RGSL1: variants seen among roughly 807,000 people sequenced by gnomAD.
The protein encoded by RGSL1 is regulator of G protein signaling like 1.
A neutral mutation model predicts 124.7 loss-of-function variants in RGSL1; 97 were observed. The observed-to-expected ratio is 0.78, with a 90% CI of 0.66 to 0.92. RGSL1 has a LOEUF of 0.92. Ranked by LOEUF, RGSL1 falls within the 40% of genes least tolerant of loss-of-function variation. The probability of loss-of-function intolerance (pLI) is 0.00; values close to 1 mark genes in which losing one functional copy is unlikely to be tolerated. For missense variants in RGSL1, 1,233 were observed against 1,288.4 expected (o/e 0.96, Z 0.66); for synonymous variants, 424 against 438.1 (o/e 0.97, Z 0.40).
intron 1 of RGSL1, among the ~76,000 whole-genome samples, chr1:182,452,292 G>A (rs536420736): frequency 2.6e-5 from 4 of 152,240 alleles, no homozygotes; most frequent in African/African-American, 9.6e-5. Flanking sequence ...ATATGGAATA[G>A]ATTAAATAAA....
intron 14 of RGSL1, among the ~76,000 whole-genome samples, chr1:182,538,054 C>G (rs1176734784): frequency 6.6e-6 from 1 of 152,154 alleles, no homozygotes; most frequent in African/African-American, 2.4e-5. Context: ...TAAAGTGGGG[C>G]AAGAGTAGGG....
chr1:182,542,658 G>A (rs899066089), intron 15 of RGSL1, among the ~76,000 whole-genome samples: 3 of 152,052 alleles, frequency 2.0e-5, no homozygotes, highest in Non-Finnish European at 4.4e-5. Flanking sequence ...TTTGGTTAGT[G>A]TAGACATTTT....
At chr1:182,471,412 G>A (rs1653829119) in intron 4 of RGSL1, 2 of 456,634 alleles carry the variant, frequency 4.4e-6, no homozygotes, top group Non-Finnish European at 8.8e-6. Context: ...TGTTCCTGGG[G>A]CTTTTGCAAG....
intron 9 of RGSL1, among the ~76,000 whole-genome samples, chr1:182,509,535 G>T (rs867538941): frequency 1.1e-4 from 12 of 107,038 alleles, no homozygotes; most frequent in East Asian, 2.5e-4. Flanking sequence ...TGGCCGGGTG[G>T]GGGGGCTGAC....
intron 15 of RGSL1, among the ~76,000 whole-genome samples, chr1:182,547,413 T>C (rs1275413523): frequency 6.6e-6 from 1 of 152,100 alleles, no homozygotes; most frequent in African/African-American, 2.4e-5. Flanking sequence ...CAGAGGGAGA[T>C]ACTAGTCAGA....
In RGSL1 at chr1:182,492,671, CTGGA is replaced by C. The variant is rs1272220441; in HGVS notation, c.1718-346_1718-343del. ...ATGGATTCTCCCTCTGTGGCCCAGG[CTGGA>C]TGGAGTGCAGTGGCCCAATCTCGGC... On this transcript the variant is annotated intron_variant, in intron 8 of 21. Coordinates refer to ENST00000294854, the MANE Select transcript of RGSL1 (RefSeq NM_001137669.2). 2.0e-5 allele frequency among the ~76,000 whole-genome samples: 3 copies of C among 149,622 alleles called. No individual in the cohort carries two copies. In the Admixed American group the frequency reaches 2.0e-4, roughly 10 times the overall value.
chr1:182,549,081 T>A, intron 17 of RGSL1: 1 of 368,602 alleles, frequency 2.7e-6, no homozygotes, highest in Non-Finnish European at 4.9e-6. Flanking sequence ...TATGCTTGCT[T>A]GGAGCAAGAA....
chr1:182,555,035 G>A (rs1660784489), intron 20 of RGSL1: 1 of 252,846 alleles, frequency 4.0e-6, no homozygotes, highest in Non-Finnish European at 7.8e-6. Flanking sequence ...TTTGTTACAT[G>A]GATATATTGG....
At chr1:182,524,059 G>T (rs1283454663) in intron 10 of RGSL1, among the ~76,000 whole-genome samples, 1 of 152,086 alleles carries the variant, frequency 6.6e-6, no homozygotes, top group Admixed American at 6.5e-5. Context: ...AATATTCAAA[G>T]ACTTAAAAAT....
chr1:182,522,221 C>A (rs1658400153), intron 10 of RGSL1, 112 bp downstream of exon 10: 1 of 722,800 alleles, frequency 1.4e-6, no homozygotes, highest in Non-Finnish European at 2.4e-6. Flanking sequence ...AGACCCTTTT[C>A]CATATACAAT....
intron 1 of RGSL1, chr1:182,453,342 T>C (rs1403165268): frequency 1.3e-5 from 2 of 152,324 alleles, no homozygotes; most frequent in African/African-American, 4.8e-5. Flanking sequence ...AATAGTGTAA[T>C]ATGAGAGCCC....
chr1:182,543,525 C>G (rs1485591239), intron 15 of RGSL1, among the ~76,000 whole-genome samples: 1 of 151,856 alleles, frequency 6.6e-6, no homozygotes, highest in Non-Finnish European at 1.5e-5. Context: ...TTTGCTGCAT[C>G]CTTCTCTAGT....
In RGSL1 at chr1:182,527,792, C is replaced by T. The variant is rs2102258910; in HGVS notation, c.2125+20C>T. The T allele has an allele frequency of 6.5e-7, 1 of 1,530,408 alleles. No homozygotes were observed. The highest frequency in any genetic ancestry group is 8.8e-7 in the Non-Finnish European group (1 of 1,133,274). The allele number at this position is 1,530,408 out of a possible 1,614,324, so 94.8% of individuals were successfully genotyped here. A position where few individuals can be genotyped will look rare whatever the true frequency, so the allele number is the denominator to read the frequency against. Reference sequence around the variant, plus strand: ...CTCCTGGTATGCATCCTCTTCTGATCCTGTTTTCTCTCTCTCTTTAGTGTC... The same window carrying T: ...CTCCTGGTATGCATCCTCTTCTGATTCTGTTTTCTCTCTCTCTTTAGTGTC... On this transcript the variant is annotated intron_variant, in intron 11 of 21. Transcript: ENST00000294854.
chr1:182,454,943 G>C (rs1331560042), intron 2 of RGSL1, among the ~76,000 whole-genome samples: 1 of 152,108 alleles, frequency 6.6e-6, no homozygotes, highest in Non-Finnish European at 1.5e-5. Context: ...CGAAATTTCA[G>C]TCAAGTGGGA....
intron 9 of RGSL1, among the ~76,000 whole-genome samples, chr1:182,503,183 T>C (rs1276193813): frequency 6.6e-6 from 1 of 152,150 alleles, no homozygotes; most frequent in Non-Finnish European, 1.5e-5. Flanking sequence ...AAATCAGTTA[T>C]CGAAGAGTTA....
intron 9 of RGSL1, among the ~76,000 whole-genome samples, chr1:182,496,570 T>A (rs552756483): frequency 6.6e-6 from 1 of 152,288 alleles, no homozygotes; most frequent in Non-Finnish European, 1.5e-5. Flanking sequence ...TGTCATAAAC[T>A]CCATTGTCTT....
At chr1:182,556,502 A>C in intron 21 of RGSL1, among the ~76,000 whole-genome samples, 1 of 152,180 alleles carries the variant, frequency 6.6e-6, no homozygotes, top group East Asian at 1.9e-4. Flanking sequence ...TCCTCACAAC[A>C]ACCCTGTGGG....
At chr1:182,534,203 G>T (rs1659385481) in intron 14 of RGSL1, among the ~76,000 whole-genome samples, 1 of 152,094 alleles carries the variant, frequency 6.6e-6, no homozygotes, top group African/African-American at 2.4e-5. Flanking sequence ...GTTAAATTTT[G>T]GCCCTCCAAA....
intron 15 of RGSL1, among the ~76,000 whole-genome samples, chr1:182,545,528 C>T (rs1409321407): frequency 1.3e-5 from 2 of 152,142 alleles, no homozygotes; most frequent in South Asian, 2.1e-4. Context: ...TTCCTTCTTG[C>T]GTGTTAGTGT....
Sources: gnomAD v4.1 joint callset for allele counts (sites outside exome capture counted in the v4.1 genomes callset) on GRCh38, gnomAD v4.1.1 for gene constraint, MANE v1.5 for transcripts, NCBI Gene and HGNC (gene_info 2026-07-23, HGNC 2026-07-21) for gene names.